The following AUTS2 variants were observed in gnomAD, a reference collection of about 807,000 sequenced individuals.
AUTS2 encodes activator of transcription and developmental regulator AUTS2, also known as autism susceptibility gene 2 protein.
A neutral mutation model predicts 112.4 loss-of-function variants in AUTS2; 17 were observed. The observed-to-expected ratio is 0.15, with a 90% CI of 0.10 to 0.23. The LOEUF (loss-of-function observed/expected upper bound fraction) is 0.23. Among genes scored for constraint, AUTS2 ranks in the 10% least tolerant of loss-of-function variants. The pLI is 1.00. For missense variants in AUTS2, 1,510 were observed against 1,701.6 expected (o/e 0.89, Z 1.98); for synonymous variants, 751 against 702.7 (o/e 1.07, Z -1.09).
At chr7:70,104,496 A>G (rs535888771) in intron 2 of AUTS2, among the ~76,000 whole-genome samples, 1 of 152,334 alleles carries the variant, frequency 6.6e-6, no homozygotes, top group East Asian at 1.9e-4. Context: ...AGGAGATCCA[A>G]GACCTTACTG....
chr7:70,402,470 G>A (rs1730557734), intron 4 of AUTS2, among the ~76,000 whole-genome samples: 1 of 152,202 alleles, frequency 6.6e-6, no homozygotes, highest in South Asian at 2.1e-4. Context: ...TGTCTTAGAA[G>A]TATCCTGGAA....
intron 4 of AUTS2, among the ~76,000 whole-genome samples, chr7:70,224,747 A>G (rs1811678222): frequency 6.6e-6 from 1 of 152,184 alleles, no homozygotes; most frequent in Non-Finnish European, 1.5e-5. Context: ...TAAGTGCCCT[A>G]TACAGGTGTA....
chr7:70,455,026 T>A (rs1357785802), intron 5 of AUTS2, among the ~76,000 whole-genome samples: 1 of 152,196 alleles, frequency 6.6e-6, no homozygotes, highest in African/African-American at 2.4e-5. Context: ...TTTGCTTCCC[T>A]TTCCCTTGTC....
chr7:69,833,675 T>G (rs552864582), intron 1 of AUTS2, among the ~76,000 whole-genome samples: 2 of 152,292 alleles, frequency 1.3e-5, no homozygotes, highest in East Asian at 3.9e-4. Context: ...CCTCAGGTGA[T>G]CCGCCTGCCT....
intron 4 of AUTS2, among the ~76,000 whole-genome samples, chr7:70,186,723 C>G (rs908477745): frequency 1.3e-5 from 2 of 152,236 alleles, no homozygotes; most frequent in South Asian, 2.1e-4. Context: ...CGCCCGCCAC[C>G]ATGTCCCAGT....
chr7:69,874,372 C>G (rs1302959776), intron 1 of AUTS2, among the ~76,000 whole-genome samples: 1 of 152,162 alleles, frequency 6.6e-6, no homozygotes, highest in Admixed American at 6.5e-5. Flanking sequence ...AGCAGGGTCC[C>G]AGTCATGGAA....
chr7:69,952,817 A>T (rs770632372), intron 2 of AUTS2, among the ~76,000 whole-genome samples: 1 of 152,202 alleles, frequency 6.6e-6, no homozygotes, highest in Non-Finnish European at 1.5e-5. Flanking sequence ...AGGAACTCAT[A>T]TATCTTCATA....
rs934973747 is a variant in AUTS2 at position 70,756,035 on chromosome 7, G to A, written c.743-6835G>A. Among the ~76,000 whole-genome samples, 10 of 152,062 alleles carry A rather than the reference G, an allele frequency of 6.6e-5. 1 individual carries two copies. Among genetic ancestry groups the A allele is most frequent in the Admixed American group, 5.2e-4 (8 of 15,262 alleles). On this transcript the variant is annotated intron_variant, in intron 6 of 18. Transcript: ENST00000342771. ...TCCTCCTCAATTTTGAAAGTTAAAA[G>A]CACAATATGAGAATTAAAGTCAATG...
At chr7:70,657,615 C>T (rs1442336082) in intron 5 of AUTS2, among the ~76,000 whole-genome samples, 1 of 152,210 alleles carries the variant, frequency 6.6e-6, no homozygotes, top group East Asian at 1.9e-4. Context: ...GTGGAGCCAT[C>T]TCTGGAATAT....
At chr7:70,614,627 C>T (rs1585380975) in intron 5 of AUTS2, among the ~76,000 whole-genome samples, 1 of 152,252 alleles carries the variant, frequency 6.6e-6, no homozygotes, top group East Asian at 1.9e-4. Context: ...TGGCTTTTGT[C>T]CTCCTCTCTG....
chr7:70,748,296 T>C (rs552084575), intron 6 of AUTS2, among the ~76,000 whole-genome samples: 2 of 152,348 alleles, frequency 1.3e-5, no homozygotes, highest in Non-Finnish European at 2.9e-5. Context: ...AAAGATTTTA[T>C]TTTCCTACAA....
Position 70,374,208 on chromosome 7 carries a change from C to T in AUTS2, c.661-61544C>T, listed in dbSNP as rs377602617. Among the ~76,000 whole-genome samples the T allele has an allele frequency of 5.2e-4, 79 of 151,968 alleles. 2 individuals carry two copies. The highest frequency in any genetic ancestry group is 1.9e-3 in the African/African-American group (78 of 41,460). On this transcript the variant is annotated intron_variant, in intron 4 of 18. Transcript: ENST00000342771. ...CATTAATGTCTCAAGAATTTTGTCTCGAAAAGAGGGATAAAGCACATTTTA... is the reference window on the plus strand; with the variant it reads ...CATTAATGTCTCAAGAATTTTGTCTTGAAAAGAGGGATAAAGCACATTTTA...
chr7:70,632,996 G>T (rs1412887325), intron 5 of AUTS2, among the ~76,000 whole-genome samples: 1 of 149,548 alleles, frequency 6.7e-6, no homozygotes, highest in African/African-American at 2.4e-5. Context: ...ACCTTGGGGG[G>T]AAAAAAAAAA....
At chr7:70,504,287 G>T (rs1798880303) in intron 5 of AUTS2, among the ~76,000 whole-genome samples, 1 of 151,790 alleles carries the variant, frequency 6.6e-6, no homozygotes, top group Non-Finnish European at 1.5e-5. Context: ...AATGAAGAGG[G>T]TTTACTGAAT....
intron 5 of AUTS2, among the ~76,000 whole-genome samples, chr7:70,601,733 A>G (rs1029393958): frequency 7.2e-5 from 11 of 152,048 alleles, no homozygotes; most frequent in Admixed American, 3.9e-4. Context: ...GTATTCTTTT[A>G]TGGGTTACAC....
At chr7:69,758,519 A>G (rs1788034683) in intron 1 of AUTS2, among the ~76,000 whole-genome samples, 1 of 152,206 alleles carries the variant, frequency 6.6e-6, no homozygotes, top group Non-Finnish European at 1.5e-5. Flanking sequence ...TTTCGTTCCC[A>G]TCTCAGAACG....
intron 4 of AUTS2, among the ~76,000 whole-genome samples, chr7:70,431,122 C>T (rs1459666053): frequency 6.6e-6 from 1 of 152,060 alleles, no homozygotes; most frequent in Non-Finnish European, 1.5e-5. Context: ...CAGGCGTGAG[C>T]CACCGCGCCC....
At chr7:70,779,901 A>T (rs1790955641) in intron 14 of AUTS2, among the ~76,000 whole-genome samples, 1 of 152,158 alleles carries the variant, frequency 6.6e-6, no homozygotes, top group Non-Finnish European at 1.5e-5. Flanking sequence ...TTAGCTGGGC[A>T]TGGTGACATG....
intron 4 of AUTS2, among the ~76,000 whole-genome samples, chr7:70,147,272 G>A (rs1264533985): frequency 6.6e-6 from 1 of 151,430 alleles, no homozygotes; most frequent in Non-Finnish European, 1.5e-5. Flanking sequence ...CAATCTACAT[G>A]TTTAAACATT....
Sources: gnomAD v4.1 joint callset for allele counts (sites outside exome capture counted in the v4.1 genomes callset) on GRCh38, gnomAD v4.1.1 for gene constraint, MANE v1.5 for transcripts, NCBI Gene and HGNC (gene_info 2026-07-23, HGNC 2026-07-21) for gene names.